Variants in SNAP25 observed in about 807,000 individuals in gnomAD.
SNAP25 encodes the protein synaptosome associated protein 25.
In SNAP25, 3 loss-of-function variants were observed where a neutral mutation model predicts 28.7. The ratio of observed to expected loss-of-function variants is 0.10; its 90% confidence interval spans 0.05 to 0.27. The LOEUF (loss-of-function observed/expected upper bound fraction) is 0.27. SNAP25 is among the 10% of genes least tolerant of loss of function. SNAP25 has a pLI of 1.00. For missense variants in SNAP25, 117 were observed against 278.7 expected, an observed-to-expected ratio of 0.42 and a Z score of 4.13; for synonymous variants, 61 against 88.1, an observed-to-expected ratio of 0.69 and a Z score of 1.72.
At chr20:10,223,094 A>G (rs2062663694) in intron 1 of SNAP25, among the ~76,000 whole-genome samples, 2 of 152,222 alleles carry the variant, frequency 1.3e-5, no homozygotes, top group Non-Finnish European at 2.9e-5. Flanking sequence ...TTTGAGCAGC[A>G]TGACATATAG....
intron 1 of SNAP25, among the ~76,000 whole-genome samples, chr20:10,268,993 C>T (rs1012955827): frequency 9.0e-6 from 1 of 110,696 alleles, no homozygotes; most frequent in Non-Finnish European, 1.9e-5. Flanking sequence ...CAAGGGCACC[C>T]TATAACCTTG....
intron 1 of SNAP25, among the ~76,000 whole-genome samples, chr20:10,238,265 G>A (rs1290026391): frequency 6.6e-6 from 1 of 152,208 alleles, no homozygotes; most frequent in Non-Finnish European, 1.5e-5. Flanking sequence ...GCATCTTGCA[G>A]GTTTAGGACT....
intron 5 of SNAP25, among the ~76,000 whole-genome samples, chr20:10,294,975 G>A (rs957896877): frequency 6.6e-6 from 1 of 152,182 alleles, no homozygotes; most frequent in Non-Finnish European, 1.5e-5. Context: ...GGTCCCCTGG[G>A]ATGGATTCTG....
At chr20:10,255,384 C>T (rs566329611) in intron 1 of SNAP25, among the ~76,000 whole-genome samples, 1 of 152,298 alleles carries the variant, frequency 6.6e-6, no homozygotes, top group South Asian at 2.1e-4. Context: ...TTGAGCTATA[C>T]AGAGACTAGG....
chr20:10,299,804 C>T (rs1404015654), intron 7 of SNAP25, among the ~76,000 whole-genome samples: 1 of 152,036 alleles, frequency 6.6e-6, no homozygotes, highest in African/African-American at 2.4e-5. Context: ...AAATGCTAAA[C>T]AAGGTTAGAT....
intron 1 of SNAP25, among the ~76,000 whole-genome samples, chr20:10,234,023 T>C (rs1277019068): frequency 6.6e-6 from 1 of 152,188 alleles, no homozygotes. Context: ...TCTGAAGTTC[T>C]CCTTTTGGAT....
intron 1 of SNAP25, among the ~76,000 whole-genome samples, chr20:10,235,025 C>G (rs2062893251): frequency 6.6e-6 from 1 of 152,150 alleles, no homozygotes; most frequent in South Asian, 2.1e-4. Flanking sequence ...CTGGACCATG[C>G]CACTGCATTC....
At chr20:10,283,501 G>T (rs909169615) in intron 3 of SNAP25, among the ~76,000 whole-genome samples, 1 of 152,210 alleles carries the variant, frequency 6.6e-6, no homozygotes, top group African/African-American at 2.4e-5. Context: ...CAAAGGCAAG[G>T]TAGGCTTTTG....
intron 1 of SNAP25, among the ~76,000 whole-genome samples, chr20:10,236,729 A>G (rs553401200): frequency 2.0e-4 from 30 of 152,082 alleles, no homozygotes; most frequent in Non-Finnish European, 3.1e-4. Context: ...GAAGCCTCGC[A>G]GCAGGTCCCA....
At chr20:10,237,571 C>T (rs1304305076) in intron 1 of SNAP25, among the ~76,000 whole-genome samples, 1 of 152,194 alleles carries the variant, frequency 6.6e-6, no homozygotes, top group Non-Finnish European at 1.5e-5. Flanking sequence ...ACATTGATAG[C>T]TCGGACCTTC....
At chr20:10,267,644 C>T (rs2063527605) in intron 1 of SNAP25, among the ~76,000 whole-genome samples, 1 of 152,150 alleles carries the variant, frequency 6.6e-6, no homozygotes, top group African/African-American at 2.4e-5. Context: ...CCTCCGCCTC[C>T]CAGGTACGAG....
At chr20:10,263,733 C>T (rs1240319351) in intron 1 of SNAP25, among the ~76,000 whole-genome samples, 2 of 152,166 alleles carry the variant, frequency 1.3e-5, no homozygotes, top group Non-Finnish European at 2.9e-5. Flanking sequence ...AAGGAAGAGA[C>T]CCAAACGCAA....
At chr20:10,233,775 G>C (rs1182072672) in intron 1 of SNAP25, among the ~76,000 whole-genome samples, 1 of 152,170 alleles carries the variant, frequency 6.6e-6, no homozygotes, top group African/African-American at 2.4e-5. Context: ...TCTTGTCCTA[G>C]TATCTCAGGC....
At chr20:10,299,131 G>A in intron 6 of SNAP25, 137 bp from the exon 7 acceptor site, 1 of 984,294 alleles carries the variant, frequency 1.0e-6, no homozygotes. Flanking sequence ...GCTAAAATGT[G>A]TTTTTGTACT....
At chr20:10,240,172 T>C (rs1246638993) in intron 1 of SNAP25, among the ~76,000 whole-genome samples, 2 of 152,098 alleles carry the variant, frequency 1.3e-5, no homozygotes. Flanking sequence ...CCCTGTTTCC[T>C]GGCTGGCTGT....
At chr20:10,230,877 G>A (rs1176024260) in intron 1 of SNAP25, among the ~76,000 whole-genome samples, 2 of 152,116 alleles carry the variant, frequency 1.3e-5, no homozygotes, top group East Asian at 1.9e-4. Flanking sequence ...AGGAAGGTGA[G>A]CATTCACAGA....
At chr20:10,229,375 G>A (rs2062787014) in intron 1 of SNAP25, among the ~76,000 whole-genome samples, 1 of 152,060 alleles carries the variant, frequency 6.6e-6, no homozygotes, top group Non-Finnish European at 1.5e-5. Context: ...CTTGGAGCCA[G>A]CCTTGAATAC....
At chr20:10,226,454 G>T (rs915190662) in intron 1 of SNAP25, among the ~76,000 whole-genome samples, 15 of 151,932 alleles carry the variant, frequency 9.9e-5, no homozygotes, top group African/African-American at 3.1e-4. Flanking sequence ...AATATTTATT[G>T]AACACCTGCC....
At chr20:10,287,128 G>A (rs1187856200) in intron 4 of SNAP25, among the ~76,000 whole-genome samples, 1 of 152,074 alleles carries the variant, frequency 6.6e-6, no homozygotes, top group Non-Finnish European at 1.5e-5. Flanking sequence ...AACACCAAAA[G>A]CAAGGCAACA....
Sources: allele counts gnomAD v4.1 joint callset (sites outside exome capture counted in the v4.1 genomes callset), GRCh38; gene constraint gnomAD v4.1.1; transcripts MANE v1.5; gene names NCBI Gene and HGNC (gene_info 2026-07-23, HGNC 2026-07-21).